The following SYT1 variants were observed in gnomAD, a reference collection of about 807,000 sequenced individuals.
The protein encoded by SYT1 is synaptotagmin-1.
In SYT1, 8 loss-of-function variants were observed where a neutral mutation model predicts 44.8. That is an observed-to-expected ratio of 0.18 (90% CI 0.10 to 0.32). SYT1 has a LOEUF of 0.32. SYT1 is among the 10% of genes least tolerant of loss of function. SYT1 has a pLI of 1.00. For missense variants in SYT1, 286 were observed against 509.3 expected (o/e 0.56, Z 4.22); for synonymous variants, 154 against 188.8 (o/e 0.82, Z 1.51).
chr12:79,372,199 G>A (rs994151075), intron 9 of SYT1, among the ~76,000 whole-genome samples: 7 of 152,068 alleles, frequency 4.6e-5, no homozygotes, highest in South Asian at 2.1e-4. Flanking sequence ...TTGCATAACC[G>A]TCATCTAGCA....
rs60333794 is a variant in SYT1 at position 79,102,272 on chromosome 12, C to CTT, written c.-18+54911_-18+54912insTT. Reference sequence around the variant, plus strand: ...TCTTTCCTTCTCTCTCTCTCTCTTTCTCTCTCTCTCTCTCTCTGTCCTTCC... The same window carrying CTT: ...TCTTTCCTTCTCTCTCTCTCTCTTTCTTTCTCTCTCTCTCTCTCTGTCCTTCC... On this transcript the variant is annotated intron_variant, in intron 3 of 10. Coordinates refer to ENST00000261205, the MANE Select transcript of SYT1 (RefSeq NM_005639.3). Among the ~76,000 whole-genome samples the CTT allele has an allele frequency of 2.0e-4, 21 of 106,682 alleles. No homozygotes were observed. The East Asian group carries it at 5.5e-3, about 28-fold the overall frequency. The allele number at this position is 106,682 out of a possible 152,430, so 70.0% of individuals were successfully genotyped here.
rs376430954 is a variant in SYT1 at position 78,879,419 on chromosome 12, A to T, written c.-217+14310A>T. 2.6e-5 allele frequency among the ~76,000 whole-genome samples: 4 copies of T among 151,882 alleles called. No homozygotes were observed. In the East Asian group the frequency reaches 7.8e-4, roughly 30 times the overall value. On this transcript the variant is annotated intron_variant, in intron 1 of 10. Coordinates refer to ENST00000261205, the MANE Select transcript of SYT1 (RefSeq NM_005639.3). ...AGGATTCCTGACACGTAGTGCAACC[A>T]CCTACATGGCAGATCTATTTAGAAG...
At chr12:78,965,415 C>T (rs1300996870) in intron 1 of SYT1, among the ~76,000 whole-genome samples, 1 of 152,136 alleles carries the variant, frequency 6.6e-6, no homozygotes, top group South Asian at 2.1e-4. Flanking sequence ...CCTCTGTTTC[C>T]AGCTTCCTAC....
chr12:78,999,661 C>A (rs1356297380), intron 2 of SYT1, among the ~76,000 whole-genome samples: 1 of 152,076 alleles, frequency 6.6e-6, no homozygotes, highest in Admixed American at 6.6e-5. Flanking sequence ...AGGATAGGTA[C>A]ATGTAATGCA....
chr12:79,353,457 C>T (rs1334988538), intron 8 of SYT1, 45 bp from the exon 9 acceptor site: 1 of 1,354,532 alleles, frequency 7.4e-7, no homozygotes, highest in Admixed American at 1.7e-5. Context: ...ACTCTATTTA[C>T]TTGTATTTGA....
At chr12:79,036,969 T>G (rs756299144) in intron 2 of SYT1, among the ~76,000 whole-genome samples, 1 of 151,840 alleles carries the variant, frequency 6.6e-6, no homozygotes, top group Non-Finnish European at 1.5e-5. Context: ...CCTAAGGTTA[T>G]GGACTAAATA....
chr12:79,064,971 A>AGAAAGAAAGAAAGAAAGAAAGAAG (rs1565789417), intron 3 of SYT1, among the ~76,000 whole-genome samples: 4 of 149,232 alleles, frequency 2.7e-5, no homozygotes, highest in African/African-American at 1.0e-4. Flanking sequence ...AAAGAAAGAA[A>AGAAAGAAAGAAAGAAAGAAAGAAG]GAAAGAAAGA....
At chr12:79,317,097 C>T (rs1281532120) in intron 8 of SYT1, among the ~76,000 whole-genome samples, 2 of 152,160 alleles carry the variant, frequency 1.3e-5, no homozygotes, top group Non-Finnish European at 2.9e-5. Flanking sequence ...TAGCTATTCA[C>T]TTTCACTATT....
At chr12:79,213,486 T>G (rs1874588522) in intron 3 of SYT1, among the ~76,000 whole-genome samples, 1 of 152,266 alleles carries the variant, frequency 6.6e-6, no homozygotes, top group Non-Finnish European at 1.5e-5. Flanking sequence ...GGGTGATAAT[T>G]ATTAACGAGA....
chr12:78,878,383 T>C (rs10778274), intron 1 of SYT1, among the ~76,000 whole-genome samples: 77,841 of 151,542 alleles, frequency 0.51, 20,289 homozygotes, highest in Non-Finnish European at 0.56. Flanking sequence ...AAATGATTTC[T>C]CTGACACCTT....
intron 2 of SYT1, among the ~76,000 whole-genome samples, chr12:79,030,767 A>G (rs1261049480): frequency 6.6e-6 from 1 of 151,128 alleles, no homozygotes; most frequent in Non-Finnish European, 1.5e-5. Flanking sequence ...GGCCATCCCA[A>G]AATAAAAACA....
At chr12:79,139,926 G>A (rs1451346176) in intron 3 of SYT1, among the ~76,000 whole-genome samples, 2 of 152,208 alleles carry the variant, frequency 1.3e-5, no homozygotes, top group African/African-American at 4.8e-5. Context: ...AGCATTTTAG[G>A]TGGGCTATGG....
At chr12:79,358,056 T>C (rs1343953111) in intron 9 of SYT1, among the ~76,000 whole-genome samples, 1 of 152,192 alleles carries the variant, frequency 6.6e-6, no homozygotes, top group African/African-American at 2.4e-5. Flanking sequence ...CTTGTCCCTA[T>C]TTGTGTCATA....
intron 3 of SYT1, among the ~76,000 whole-genome samples, chr12:79,180,232 TTAAC>T (rs756653155): frequency 4.0e-4 from 61 of 152,124 alleles, no homozygotes; most frequent in Non-Finnish European, 5.7e-4. Flanking sequence ...ACAATATTAA[TTAAC>T]TAATATTAAA....
intron 4 of SYT1, among the ~76,000 whole-genome samples, chr12:79,269,478 C>A (rs1020768473): frequency 6.6e-6 from 1 of 152,120 alleles, no homozygotes; most frequent in Non-Finnish European, 1.5e-5. Context: ...TTCTCTCACT[C>A]CACCCCTGTA....
chr12:79,112,894 G>C (rs573867818), intron 3 of SYT1, among the ~76,000 whole-genome samples: 1 of 152,144 alleles, frequency 6.6e-6, no homozygotes, highest in East Asian at 1.9e-4. Context: ...ATTTTTCATA[G>C]TTATTACAGG....
chr12:78,943,900 C>T (rs184490908), intron 1 of SYT1, among the ~76,000 whole-genome samples: 10 of 152,300 alleles, frequency 6.6e-5, no homozygotes, highest in Admixed American at 5.9e-4. Context: ...TCACATGATC[C>T]ATCTGGCTTG....
At chr12:79,033,636 T>G (rs182883908) in intron 2 of SYT1, among the ~76,000 whole-genome samples, 2 of 151,510 alleles carry the variant, frequency 1.3e-5, no homozygotes, top group African/African-American at 4.8e-5. Context: ...TCTAGTATTC[T>G]GAAATCATGG....
At chr12:78,971,228 A>G (rs888357093) in intron 1 of SYT1, among the ~76,000 whole-genome samples, 2 of 152,202 alleles carry the variant, frequency 1.3e-5, no homozygotes, top group Non-Finnish European at 2.9e-5. Flanking sequence ...AAATCTCTAG[A>G]CTAGATTCCT....
Sources: allele counts gnomAD v4.1 joint callset (sites outside exome capture counted in the v4.1 genomes callset), GRCh38; gene constraint gnomAD v4.1.1; transcripts MANE v1.5; gene names NCBI Gene and HGNC (gene_info 2026-07-23, HGNC 2026-07-21).